The following SNRNP48 variants were observed in gnomAD, a reference collection of about 807,000 sequenced individuals.
The protein encoded by SNRNP48 is small nuclear ribonucleoprotein U11/U12 subunit 48.
Under a neutral mutation model 47.0 loss-of-function variants are expected in SNRNP48, and 43 were observed. The observed-to-expected ratio is 0.92, with a 90% CI of 0.72 to 1.18. SNRNP48 has a LOEUF of 1.18. Among genes scored for constraint, SNRNP48 ranks in the 50% most tolerant of loss-of-function variants. The pLI is 0.00. For synonymous variants in SNRNP48, 138 were observed against 144.0 expected, an observed-to-expected ratio of 0.96 and a Z score of 0.30; for missense variants, 396 against 422.2, an observed-to-expected ratio of 0.94 and a Z score of 0.54.
chr6:7,602,677 A>C lies in SNRNP48; in HGVS notation c.650A>C (p.Asp217Ala), dbSNP rs1760050397. ...SYLEILAEVRDYKRRRQSYRA... is the reference protein window; with the variant it reads ...SYLEILAEVRAYKRRRQSYRA... ...CTTGAAATCCTGGCAGAAGTACGAG[A>C]TTATAAAAGAAGACGCCAGTCCTAT... The change falls in exon 6 of 9, where the codon GAT becomes GCT. Residue 217 changes from aspartate (D) to alanine (A), a missense_variant. Asp to Ala is a moderately radical substitution (Grantham distance 126). Coordinates refer to ENST00000342415, the MANE Select transcript of SNRNP48 (RefSeq NM_152551.4). The C allele has an allele frequency of 1.2e-6, 2 of 1,607,922 alleles. No individual in the cohort carries two copies. The highest frequency in any genetic ancestry group is 1.7e-6 in the Non-Finnish European group (2 of 1,177,626).
chr6:7,607,150 T>C (rs778951729), intron 8 of SNRNP48, among the ~76,000 whole-genome samples: 2 of 152,158 alleles, frequency 1.3e-5, no homozygotes, highest in African/African-American at 2.4e-5. Context: ...AAACCTCGTC[T>C]CTACAAAGAA....
chr6:7,593,794 AAG>A lies in SNRNP48; in HGVS notation c.218_219del (p.Lys73ThrfsTer6). The A allele has an allele frequency of 6.3e-7, 1 of 1,599,964 alleles. No individual in the cohort carries two copies. Among genetic ancestry groups the A allele is most frequent in the Non-Finnish European group, 8.5e-7 (1 of 1,172,934 alleles). On this transcript the variant is annotated frameshift_variant, in exon 2 of 9. Transcript: ENST00000342415. LOFTEE classifies it high-confidence loss of function. ...NHHMPKSSLA[K>X]HMASCRLRKM... Reference sequence around the variant, plus strand: ...TCACATGCCTAAATCATCTTTGGCAAAGCACATGGCATCTTGTAGATTGAGGA... The same window carrying A: ...TCACATGCCTAAATCATCTTTGGCAACACATGGCATCTTGTAGATTGAGGA...
Position 7,594,168 on chromosome 6 carries a change from T to A in SNRNP48, c.331+9T>A. ...ACCTTCGATTACTTTGAGTAAGTAT[T>A]AAGTTATTATAATTTAAAAATATCT... On this transcript the variant is annotated intron_variant, in intron 3 of 8. Coordinates refer to ENST00000342415, the MANE Select transcript of SNRNP48 (RefSeq NM_152551.4). 1 of 1,224,506 alleles carries A rather than the reference T, an allele frequency of 8.2e-7. No individual in the cohort carries two copies. The highest frequency in any genetic ancestry group is 1.1e-6 in the Non-Finnish European group (1 of 890,316). 75.9% of individuals were successfully genotyped at this position (1,224,506 alleles called of 1,614,324 possible).
At chr6:7,594,227 T>C in intron 3 of SNRNP48, 68 bp downstream of exon 3, 1 of 723,736 alleles carries the variant, frequency 1.4e-6, no homozygotes, top group Non-Finnish European at 2.2e-6. Flanking sequence ...TTTTGCATTA[T>C]GAAAAGAATG....
At position 7,594,177 on chromosome 6, in the gene SNRNP48, A is replaced by T. The variant is rs1422371082; in HGVS notation, c.331+18A>T. The T allele has an allele frequency of 8.5e-7, 1 of 1,182,964 alleles. No homozygotes were observed. Among genetic ancestry groups the T allele is most frequent in the African/African-American group, 1.6e-5 (1 of 63,500 alleles). The allele number at this position is 1,182,964 out of a possible 1,614,324, so 73.3% of individuals were successfully genotyped here. A position where few individuals can be genotyped will look rare whatever the true frequency, so the allele number is the denominator to read the frequency against. On this transcript the variant is annotated intron_variant, in intron 3 of 8. Coordinates refer to ENST00000342415, the MANE Select transcript of SNRNP48 (RefSeq NM_152551.4). ...TACTTTGAGTAAGTATTAAGTTATTATAATTTAAAAATATCTTAGTGTAGA... is the reference window on the plus strand; with the variant it reads ...TACTTTGAGTAAGTATTAAGTTATTTTAATTTAAAAATATCTTAGTGTAGA...
At chr6:7,593,883 G>A in intron 2 of SNRNP48, 36 bp downstream of exon 2, 4 of 1,400,458 alleles carry the variant, frequency 2.9e-6, no homozygotes, top group East Asian at 4.9e-5. Flanking sequence ...ATACATATAT[G>A]TCATGCATTT....
At chr6:7,601,057 T>C (rs1375873264) in intron 4 of SNRNP48, 1 of 246,974 alleles carries the variant, frequency 4.0e-6, no homozygotes, top group Non-Finnish European at 7.6e-6. Context: ...AATTGTCTCT[T>C]ATGATTATTC....
At chr6:7,592,689 C>G (rs1341999062) in intron 1 of SNRNP48, among the ~76,000 whole-genome samples, 2 of 152,034 alleles carry the variant, frequency 1.3e-5, no homozygotes, top group Non-Finnish European at 2.9e-5. Context: ...AAACCAGCTA[C>G]AGGATGGAAA....
chr6:7,595,311 A>G (rs995399829), intron 4 of SNRNP48, among the ~76,000 whole-genome samples: 5 of 152,198 alleles, frequency 3.3e-5, no homozygotes, highest in Admixed American at 1.3e-4. Flanking sequence ...CTAAGACACT[A>G]TCTTAGCTAG....
At chr6:7,602,277 T>C (rs1329248545) in intron 5 of SNRNP48, among the ~76,000 whole-genome samples, 1 of 152,200 alleles carries the variant, frequency 6.6e-6, no homozygotes, top group Non-Finnish European at 1.5e-5. Context: ...TTGATATCCT[T>C]GGGGGTTCCT....
rs1188104948 is a variant in SNRNP48 at position 7,609,680 on chromosome 6, C to T, written c.*807C>T. On this transcript the variant is annotated 3_prime_UTR_variant, in exon 9 of 9. Transcript: ENST00000342415. ...GAGGGAACTTTAGCTTTATCCATAA[C>T]ATTAATTTTTTTAAAAAATAAGGTC... 1 of 150,216 alleles carries T rather than the reference C, an allele frequency of 6.7e-6. No individual in the cohort carries two copies. Among genetic ancestry groups the T allele is most frequent in the Non-Finnish European group, 1.5e-5 (1 of 68,014 alleles). 9.3% of individuals were successfully genotyped at this position (150,216 alleles called of 1,614,324 possible).
At chr6:7,606,538 CTCTT>C (rs954515697) in intron 8 of SNRNP48, among the ~76,000 whole-genome samples, 14 of 152,198 alleles carry the variant, frequency 9.2e-5, no homozygotes, top group Admixed American at 3.3e-4. Context: ...TCCTTCCTTC[CTCTT>C]TCTCTTATTC....
At chr6:7,607,683 A>C (rs1213207284) in intron 8 of SNRNP48, among the ~76,000 whole-genome samples, 1 of 152,204 alleles carries the variant, frequency 6.6e-6, no homozygotes, top group Non-Finnish European at 1.5e-5. Context: ...TGAGCTTAAT[A>C]GTTATTATTA....
chr6:7,596,969 G>C (rs1759914912), intron 4 of SNRNP48, among the ~76,000 whole-genome samples: 1 of 152,196 alleles, frequency 6.6e-6, no homozygotes, highest in East Asian at 1.9e-4. Context: ...GCATTTTACA[G>C]ATAAGAAAAA....
chr6:7,601,370 G>C lies in SNRNP48; in HGVS notation c.441G>C (p.Leu147Phe). 3 of 1,576,380 alleles carry C rather than the reference G, an allele frequency of 1.9e-6. No individual in the cohort carries two copies. Among genetic ancestry groups the C allele is most frequent in the Non-Finnish European group, 2.6e-6 (3 of 1,170,478 alleles). The change falls in exon 5 of 9, where the codon TTG becomes TTC. Residue 147 changes from leucine (L) to phenylalanine (F), a missense_variant. By Grantham distance (22) the Leu-to-Phe change is conservative. Transcript: ENST00000342415. The stretch of plus-strand genomic sequence containing the variant: ...CTTCATTGCCTGTTGAAGTTCCTTT[G>C]AATCACAAACGGTTTGTTTGTGATC... ...IYSSLPVEVPLNHKRFVCDLT... is the reference protein window; with the variant it reads ...IYSSLPVEVPFNHKRFVCDLT...
chr6:7,597,890 G>A (rs1468196937), intron 4 of SNRNP48, among the ~76,000 whole-genome samples: 1 of 139,508 alleles, frequency 7.2e-6, no homozygotes, highest in Non-Finnish European at 1.5e-5. Context: ...TTTTGAGGCG[G>A]AATCTTGCTC....
intron 5 of SNRNP48, among the ~76,000 whole-genome samples, chr6:7,602,317 A>G (rs984980309): frequency 6.6e-6 from 1 of 152,100 alleles, no homozygotes; most frequent in Non-Finnish European, 1.5e-5. Context: ...ACTGAGGGAT[A>G]TTTACTCAGT....
chr6:7,609,026 C>T lies in SNRNP48; in HGVS notation c.*153C>T. 2.7e-6 allele frequency: 1 copy of T among 374,820 alleles called. No individual in the cohort carries two copies. The highest frequency in any genetic ancestry group is 4.9e-6 in the Non-Finnish European group (1 of 204,874). 23.2% of individuals were successfully genotyped at this position (374,820 alleles called of 1,614,324 possible). On this transcript the variant is annotated 3_prime_UTR_variant, in exon 9 of 9. Coordinates refer to ENST00000342415, the MANE Select transcript of SNRNP48 (RefSeq NM_152551.4). Reference sequence around the variant, plus strand: ...GATCTGTTTAGTGCTTATTATTTTCCAGTAAATATGCTTCAAACCATGAGT... The same window carrying T: ...GATCTGTTTAGTGCTTATTATTTTCTAGTAAATATGCTTCAAACCATGAGT...
At chr6:7,607,465 A>G (rs1027902144) in intron 8 of SNRNP48, among the ~76,000 whole-genome samples, 3 of 152,302 alleles carry the variant, frequency 2.0e-5, no homozygotes, top group Non-Finnish European at 4.4e-5. Context: ...TGAGTTACTT[A>G]GAGTTCCTCA....
Sources: gnomAD v4.1 joint callset for allele counts (sites outside exome capture counted in the v4.1 genomes callset) on GRCh38, gnomAD v4.1.1 for gene constraint, MANE v1.5 for transcripts, NCBI Gene and HGNC (gene_info 2026-07-23, HGNC 2026-07-21) for gene names.